The following PCDHGB3 variants were observed in gnomAD, a reference collection of about 807,000 sequenced individuals.
The protein encoded by PCDHGB3 is protocadherin gamma subfamily B, 3, also known as protocadherin gamma-B3.
PCDHGB3 carries 40 observed loss-of-function variants against 59.2 expected under a neutral mutation model. That is an observed-to-expected ratio of 0.68 (90% CI 0.52 to 0.88). PCDHGB3 has a LOEUF of 0.88. PCDHGB3 is among the 40% of genes least tolerant of loss of function. PCDHGB3 has a pLI of 0.00. For missense variants in PCDHGB3, 1,309 were observed against 1,187.9 expected (o/e 1.10, Z -1.50); for synonymous variants, 581 against 503.6 (o/e 1.15, Z -2.06).
intron 1 of PCDHGB3, chr5:141,424,529 A>G (rs1308118953): frequency 6.6e-6 from 1 of 152,218 alleles, no homozygotes; most frequent in Non-Finnish European, 1.5e-5. Context: ...AAATCCATAT[A>G]TAGAAATAAC....
chr5:141,395,197 T>C, intron 1 of PCDHGB3: 1 of 1,614,012 alleles, frequency 6.2e-7, no homozygotes, highest in Non-Finnish European at 8.5e-7. Context: ...TTAACATCCG[T>C]AGATTTTCAT....
At chr5:141,424,726 T>C (rs1041673348) in intron 1 of PCDHGB3, 7 of 152,218 alleles carry the variant, frequency 4.6e-5, no homozygotes, top group African/African-American at 4.8e-5. Context: ...TTGGGAGTCA[T>C]AGATTCCTTC....
intron 1 of PCDHGB3, chr5:141,402,792 A>G (rs947158745): frequency 1.4e-5 from 14 of 1,008,956 alleles, no homozygotes; most frequent in Admixed American, 3.1e-5. Flanking sequence ...CTGCGGCTAC[A>G]CAAAACCCGG....
intron 1 of PCDHGB3, chr5:141,408,447 G>A (rs536531313): frequency 3.1e-6 from 5 of 1,614,064 alleles, no homozygotes; most frequent in Admixed American, 1.7e-5. Context: ...GCGGAGAGCG[G>A]GGACTTACTT....
At chr5:141,465,094 GT>G (rs138941665) in intron 1 of PCDHGB3, among the ~76,000 whole-genome samples, 203 of 148,178 alleles carry the variant, frequency 1.4e-3, no homozygotes, top group Admixed American at 7.3e-3. Context: ...TTTTCTAGTA[GT>G]TTTTTTTTTA....
At chr5:141,405,130 G>A in intron 1 of PCDHGB3, 1 of 1,614,012 alleles carries the variant, frequency 6.2e-7, no homozygotes, top group South Asian at 1.1e-5. Flanking sequence ...ATCTGCTGCG[G>A]GCTACCAGTG....
chr5:141,390,034 C>A, intron 1 of PCDHGB3: 2 of 1,614,066 alleles, frequency 1.2e-6, no homozygotes, highest in Non-Finnish European at 1.7e-6. Context: ...CGACGCTCCT[C>A]CAGCCCCGCC....
chr5:141,500,521 A>T lies in PCDHGB3; in HGVS notation c.2475-4872A>T, dbSNP rs185546944. 3.7e-3 allele frequency among the ~76,000 whole-genome samples: 560 copies of T among 152,176 alleles called. 5 individuals are homozygous for T. Among genetic ancestry groups the T allele is most frequent in the Admixed American group, 0.011 (162 of 15,280 alleles). On this transcript the variant is annotated intron_variant, in intron 2 of 3. Coordinates refer to ENST00000576222, the MANE Select transcript of PCDHGB3 (RefSeq NM_018924.5). Reference sequence around the variant, plus strand: ...ACCGCGCCTGGCCGAGCTTCATTTTAAAAAAATCTCATTCACCTAAATAAG... The same window carrying T: ...ACCGCGCCTGGCCGAGCTTCATTTTTAAAAAATCTCATTCACCTAAATAAG...
Position 141,505,229 on chromosome 5 carries a change from G to T in PCDHGB3, c.2475-164G>T, listed in dbSNP as rs116169437. 9.5e-4 allele frequency: 809 copies of T among 847,460 alleles called. 6 individuals carry two copies. In the African/African-American group the frequency reaches 0.013, roughly 13 times the overall value. 52.5% of individuals were successfully genotyped at this position (847,460 alleles called of 1,614,324 possible). ...TGAGGGACTGACTTGTGGGATTCTG[G>T]CTTCTGAAGGATTGTAGAAGTGCCT... On this transcript the variant is annotated intron_variant, in intron 2 of 3. Coordinates refer to ENST00000576222, the MANE Select transcript of PCDHGB3 (RefSeq NM_018924.5).
chr5:141,393,261 G>A lies in PCDHGB3; in HGVS notation c.2415+20452G>A, dbSNP rs567943150. 16 of 1,613,898 alleles carry A rather than the reference G, an allele frequency of 9.9e-6. 1 individual carries two copies. Among genetic ancestry groups the A allele is most frequent in the South Asian group, 1.1e-5 (1 of 91,090 alleles). ...AATTAACGAAATCGCGGTTCCTGGAGCACGTTATCCACTCCCAGAAGCTGT... is the reference window on the plus strand; with the variant it reads ...AATTAACGAAATCGCGGTTCCTGGAACACGTTATCCACTCCCAGAAGCTGT... On this transcript the variant is annotated intron_variant, in intron 1 of 3. Transcript: ENST00000576222.
In PCDHGB3 at chr5:141,486,649, C is replaced by G; in HGVS notation, c.2416-8158C>G. On this transcript the variant is annotated intron_variant, in intron 1 of 3. Transcript: ENST00000576222. This position sits in a 1 kb window ranked among gnomAD's most constrained non-coding sequence, Gnocchi z 5.0. The stretch of plus-strand genomic sequence containing the variant: ...CTGGCTTGAATGCGCTTATCTCCTA[C>G]TCACTCCTGGAGCCCAGGAATCGAG... The G allele has an allele frequency of 6.2e-7, 1 of 1,613,952 alleles. No individual in the cohort carries two copies. The highest frequency in any genetic ancestry group is 8.5e-7 in the Non-Finnish European group (1 of 1,180,034).
At chr5:141,402,398 ATTG>A (rs1159125909) in intron 1 of PCDHGB3, among the ~76,000 whole-genome samples, 19 of 152,216 alleles carry the variant, frequency 1.2e-4, no homozygotes, top group African/African-American at 4.6e-4. Context: ...ACTTCAGAAA[ATTG>A]TTAAGATACA....
At chr5:141,502,862 C>CTTTT (rs2154593209) in intron 2 of PCDHGB3, among the ~76,000 whole-genome samples, 1 of 68,550 alleles carries the variant, frequency 1.5e-5, no homozygotes, top group African/African-American at 9.9e-5. Flanking sequence ...CCCTGACTCT[C>CTTTT]TGTCTTTTTT....
In PCDHGB3 at chr5:141,431,019, C is replaced by A. The variant is rs1368671750; in HGVS notation, c.2415+58210C>A. 1 of 1,613,488 alleles carries A rather than the reference C, an allele frequency of 6.2e-7. No individual in the cohort carries two copies. The highest frequency in any genetic ancestry group is 1.7e-5 in the Admixed American group (1 of 59,968). ...CCGCGCAGCGGCAGCTTGGTCACGG[C>A]GGGCAGGATAGACCGGGAGGAGCTC... On this transcript the variant is annotated intron_variant, in intron 1 of 3. Transcript: ENST00000576222. The surrounding 1 kb of genome is among the most constrained non-coding windows in gnomAD (Gnocchi z 4.8).
chr5:141,425,241 AG>A (rs2096863585), intron 1 of PCDHGB3, among the ~76,000 whole-genome samples: 1 of 152,220 alleles, frequency 6.6e-6, no homozygotes, highest in Admixed American at 6.5e-5. Flanking sequence ...TTAAATAAAA[AG>A]GATATGAGGT....
At chr5:141,479,561 G>A (rs1032137833) in intron 1 of PCDHGB3, 1 of 152,270 alleles carries the variant, frequency 6.6e-6, no homozygotes, top group African/African-American at 2.4e-5. Context: ...CTATCCAGTA[G>A]TGGGATGACA....
rs759706919 is a variant in PCDHGB3 at position 141,374,098 on chromosome 5, G to C, written c.2415+1289G>C. 20 of 1,561,062 alleles carry C rather than the reference G, an allele frequency of 1.3e-5. No homozygotes were observed. The South Asian group carries it at 2.1e-4, about 17-fold the overall frequency. ...ATAAGCCAGTAATGGCGCCTCCGCA[G>C]AGGCATCCGCAGCGCAGCGAGCAGG... On this transcript the variant is annotated intron_variant, in intron 1 of 3. Transcript: ENST00000576222.
chr5:141,400,319 C>G (rs762588918), intron 1 of PCDHGB3: 1 of 1,613,974 alleles, frequency 6.2e-7, no homozygotes, highest in African/African-American at 1.3e-5. Context: ...TGTGTCAAGT[C>G]TGGACCTGTG....
intron 1 of PCDHGB3, among the ~76,000 whole-genome samples, chr5:141,472,815 C>T (rs1562036829): frequency 1.3e-5 from 2 of 151,596 alleles, no homozygotes; most frequent in East Asian, 1.9e-4. Flanking sequence ...GAGAAACCCC[C>T]GTCTCTACTA....
Sources: gnomAD v4.1 joint callset for allele counts (sites outside exome capture counted in the v4.1 genomes callset) on GRCh38, gnomAD v4.1.1 for gene constraint, Gnocchi (gnomAD v3.1) non-coding constraint, MANE v1.5 for transcripts, NCBI Gene and HGNC (gene_info 2026-07-23, HGNC 2026-07-21) for gene names.